The following PALM2AKAP2 variants were observed in gnomAD, a reference collection of about 807,000 sequenced individuals.
PALM2AKAP2 encodes the protein PALM2 and AKAP2 fusion.
Under a neutral mutation model 71.5 loss-of-function variants are expected in PALM2AKAP2, and 37 were observed. The ratio of observed to expected loss-of-function variants is 0.52; its 90% CI spans 0.40 to 0.68. The LOEUF (loss-of-function observed/expected upper bound fraction) is 0.68. Among genes scored for constraint, PALM2AKAP2 ranks in the 30% least tolerant of loss-of-function variants. The pLI, the probability that PALM2AKAP2 is intolerant of heterozygous loss-of-function variation, is 0.00. For synonymous variants in PALM2AKAP2, 468 were observed against 478.8 expected (o/e 0.98, Z 0.29); for missense variants, 1,224 against 1,191.8 (o/e 1.03, Z -0.40).
intron 6 of PALM2AKAP2, among the ~76,000 whole-genome samples, chr9:110,008,448 T>G (rs1340099526): frequency 6.6e-6 from 1 of 151,002 alleles, no homozygotes; most frequent in Non-Finnish European, 1.5e-5. Flanking sequence ...ATAATTAAAT[T>G]TATTTAATAA....
At chr9:110,165,402 T>C (rs1246838438) in intron 3 of PALM2AKAP2, among the ~76,000 whole-genome samples, 2 of 152,042 alleles carry the variant, frequency 1.3e-5, no homozygotes, top group Non-Finnish European at 2.9e-5. Context: ...CCAGTTGTGG[T>C]GCAGCTTTAC....
At chr9:109,641,247 TA>T (rs1421025725) in intron 1 of PALM2AKAP2, among the ~76,000 whole-genome samples, 1 of 152,066 alleles carries the variant, frequency 6.6e-6, no homozygotes, top group Non-Finnish European at 1.5e-5. Context: ...GGACTGCAGT[TA>T]AAAAAAGAGG....
intron 6 of PALM2AKAP2, among the ~76,000 whole-genome samples, chr9:109,996,473 C>T (rs1170163132): frequency 6.6e-6 from 1 of 152,212 alleles, no homozygotes; most frequent in Non-Finnish European, 1.5e-5. Flanking sequence ...CTAGCCAAAA[C>T]AAACCATTTC....
rs142393794 is a variant in PALM2AKAP2 at position 109,825,914 on chromosome 9, C to T, written c.46-41577C>T. ...ATGCTGCTATAAAGACACATGCACA[C>T]GTATGTTTATTGTGACACTATTCAC... On this transcript the variant is annotated intron_variant, in intron 1 of 9. Coordinates refer to the PALM2AKAP2 transcript ENST00000302798. Among the ~76,000 whole-genome samples, 77 of 152,208 alleles carry T rather than the reference C, an allele frequency of 5.1e-4. 1 individual carries two copies. Among genetic ancestry groups the T allele is most frequent in the African/African-American group, 1.8e-3 (74 of 41,522 alleles).
chr9:109,998,704 C>G (rs1458617009), intron 6 of PALM2AKAP2, among the ~76,000 whole-genome samples: 1 of 147,636 alleles, frequency 6.8e-6, no homozygotes. Flanking sequence ...GCATTCAAGG[C>G]TGCAGTAAGC....
intron 1 of PALM2AKAP2, among the ~76,000 whole-genome samples, chr9:109,723,644 A>C (rs979174495): frequency 6.6e-6 from 1 of 152,238 alleles, no homozygotes; most frequent in East Asian, 1.9e-4. Context: ...AAGTGGAAAC[A>C]AGCGGAAAAA....
chr9:109,711,897 TTATC>T (rs879533131), intron 1 of PALM2AKAP2, among the ~76,000 whole-genome samples: 10 of 152,176 alleles, frequency 6.6e-5, no homozygotes, highest in Non-Finnish European at 1.2e-4. Flanking sequence ...ATGGCTTTTG[TTATC>T]TATCTATATA....
At chr9:110,135,476 A>C (rs1205274529) in intron 1 of PALM2AKAP2, among the ~76,000 whole-genome samples, 11 of 151,820 alleles carry the variant, frequency 7.2e-5, no homozygotes, top group Admixed American at 7.2e-4. Flanking sequence ...GAGAGGTACC[A>C]TTGGCCATTA....
intron 6 of PALM2AKAP2, among the ~76,000 whole-genome samples, chr9:109,975,131 A>G (rs1832148817): frequency 6.6e-6 from 1 of 152,218 alleles, no homozygotes; most frequent in Admixed American, 6.5e-5. Flanking sequence ...AATAAGATGT[A>G]TGTAGACATA....
chr9:109,922,199 T>A (rs551497132), intron 3 of PALM2AKAP2, among the ~76,000 whole-genome samples: 3 of 151,722 alleles, frequency 2.0e-5, no homozygotes, highest in African/African-American at 7.2e-5. Flanking sequence ...GCAGGAGGAT[T>A]GCTTAAGCCC....
intron 5 of PALM2AKAP2, among the ~76,000 whole-genome samples, chr9:109,927,346 T>C (rs1215225307): frequency 6.6e-6 from 1 of 152,168 alleles, no homozygotes; most frequent in Non-Finnish European, 1.5e-5. Flanking sequence ...AGGCCCCGAG[T>C]TGCCAAGACC....
intron 1 of PALM2AKAP2, among the ~76,000 whole-genome samples, chr9:109,853,491 C>T (rs1441112012): frequency 6.6e-6 from 1 of 152,204 alleles, no homozygotes; most frequent in African/African-American, 2.4e-5. Context: ...GCTTCATTTG[C>T]AATGACTGCA....
At chr9:110,004,857 C>G (rs1046783111) in intron 6 of PALM2AKAP2, among the ~76,000 whole-genome samples, 1 of 152,198 alleles carries the variant, frequency 6.6e-6, no homozygotes, top group African/African-American at 2.4e-5. Flanking sequence ...ACGTAGTTCT[C>G]GTGCCGTGGT....
chr9:109,787,678 T>A (rs931812393), intron 1 of PALM2AKAP2, among the ~76,000 whole-genome samples: 7 of 152,222 alleles, frequency 4.6e-5, no homozygotes, highest in African/African-American at 1.7e-4. Flanking sequence ...GTGGGTCTTA[T>A]GTTGTTACAT....
At chr9:109,703,264 C>T (rs1226311846) in intron 1 of PALM2AKAP2, among the ~76,000 whole-genome samples, 2 of 152,152 alleles carry the variant, frequency 1.3e-5, no homozygotes, top group Non-Finnish European at 2.9e-5. Flanking sequence ...CATGATATAA[C>T]TTAACATAAA....
At chr9:110,077,664 C>T (rs1746020) in intron 1 of PALM2AKAP2, among the ~76,000 whole-genome samples, 103,600 of 152,066 alleles carry the variant, frequency 0.68, 35,907 homozygotes, top group African/African-American at 0.82. Context: ...CCTACAGATA[C>T]ATCTTGATTT....
chr9:109,811,959 G>A (rs1483064123), intron 1 of PALM2AKAP2, among the ~76,000 whole-genome samples: 1 of 152,240 alleles, frequency 6.6e-6, no homozygotes, highest in Admixed American at 6.5e-5. Context: ...GCTGTTGGCA[G>A]AAGGGACAGG....
chr9:110,091,532 C>T lies in PALM2AKAP2; in HGVS notation c.156+42677C>T, dbSNP rs564510566. Reference sequence around the variant, plus strand: ...GGCTGGGGTGCAGTAGCACGATCTCCGCTCACTGCAATCTCTACCTCCCGG... The same window carrying T: ...GGCTGGGGTGCAGTAGCACGATCTCTGCTCACTGCAATCTCTACCTCCCGG... On this transcript the variant is annotated intron_variant, in intron 1 of 3. Coordinates refer to ENST00000374525, the Ensembl canonical transcript of PALM2AKAP2. 2.0e-4 allele frequency among the ~76,000 whole-genome samples: 28 copies of T among 142,802 alleles called. No homozygotes were observed. The South Asian group carries it at 5.8e-3, about 30-fold the overall frequency. 93.7% of individuals were successfully genotyped at this position (142,802 alleles called of 152,430 possible). A position where few individuals can be genotyped will look rare whatever the true frequency, so the allele number is the denominator to read the frequency against.
At chr9:110,065,109 C>G (rs1834049939) in intron 1 of PALM2AKAP2, among the ~76,000 whole-genome samples, 1 of 152,222 alleles carries the variant, frequency 6.6e-6, no homozygotes, top group Non-Finnish European at 1.5e-5. Flanking sequence ...GGCCAGCTTC[C>G]TGCACTTCCG....
Sources: allele counts gnomAD v4.1 joint callset (sites outside exome capture counted in the v4.1 genomes callset), GRCh38; gene constraint gnomAD v4.1.1; transcripts MANE v1.5; gene names NCBI Gene and HGNC (gene_info 2026-07-23, HGNC 2026-07-21).